The following IFNAR1 variants were observed in gnomAD, a reference collection of about 807,000 sequenced individuals.
The protein encoded by IFNAR1 is interferon alpha and beta receptor subunit 1, also known as interferon alpha/beta receptor 1.
Under a neutral mutation model 62.1 loss-of-function variants are expected in IFNAR1, and 47 were observed. The ratio of observed to expected loss-of-function variants is 0.76; its 90% CI spans 0.60 to 0.97. The LOEUF (loss-of-function observed/expected upper bound fraction) is 0.97. IFNAR1 is among the 50% of genes least tolerant of loss of function. IFNAR1 has a pLI of 0.00. For synonymous variants in IFNAR1, 219 were observed against 226.9 expected, an observed-to-expected ratio of 0.97 and a Z score of 0.31; for missense variants, 638 against 654.5, an observed-to-expected ratio of 0.97 and a Z score of 0.27.
intron 1 of IFNAR1, among the ~76,000 whole-genome samples, chr21:33,329,433 G>A (rs960295634): frequency 6.6e-6 from 1 of 151,920 alleles, no homozygotes; most frequent in Non-Finnish European, 1.5e-5. Context: ...ACAGAAAATT[G>A]AGGATGGGGA....
rs761927008 is a variant in IFNAR1, at chr21:33,343,499, A to G, written c.532-36A>G. 7.7e-6 allele frequency: 12 copies of G among 1,551,306 alleles called. No homozygotes were observed. In the Admixed American group the frequency reaches 2.1e-4, roughly 28 times the overall value. On this transcript the variant is annotated intron_variant, in intron 4 of 10. Transcript: ENST00000270139. ...AATTAATCCTAAAATTTGACTTTAT[A>G]CTTTTTTAAAGAACCAACTTATATT...
At chr21:33,354,920 A>G (rs2123275777) in intron 10 of IFNAR1, among the ~76,000 whole-genome samples, 1 of 152,280 alleles carries the variant, frequency 6.6e-6, no homozygotes, top group African/African-American at 2.4e-5. Context: ...ACTAGTTACA[A>G]TAGCCAATAA....
At chr21:33,335,915 CTTT>C (rs200187308) in intron 2 of IFNAR1, among the ~76,000 whole-genome samples, 2 of 135,110 alleles carry the variant, frequency 1.5e-5, no homozygotes, top group African/African-American at 2.7e-5. Flanking sequence ...GTTCCAGCTT[CTTT>C]TTTTTTTTTT....
intron 1 of IFNAR1, among the ~76,000 whole-genome samples, chr21:33,326,949 A>G (rs1418435744): frequency 1.3e-5 from 2 of 152,284 alleles, no homozygotes; most frequent in East Asian, 3.9e-4. Flanking sequence ...GAGGAGGGGT[A>G]CCCAAAGAGA....
chr21:33,328,545 G>A (rs1488226881), intron 1 of IFNAR1, among the ~76,000 whole-genome samples: 1 of 152,128 alleles, frequency 6.6e-6, no homozygotes, highest in African/African-American at 2.4e-5. Context: ...GAAAACTCAA[G>A]ACCTTAAGTT....
chr21:33,325,952 T>C (rs1362007562), intron 1 of IFNAR1, among the ~76,000 whole-genome samples: 1 of 152,192 alleles, frequency 6.6e-6, no homozygotes, highest in Non-Finnish European at 1.5e-5. Context: ...AACTTTGGAA[T>C]GCCATTTGTT....
chr21:33,343,688 G>A lies in IFNAR1; in HGVS notation c.673+12G>A, dbSNP rs767793197. On this transcript the variant is annotated intron_variant, in intron 5 of 10. Transcript: ENST00000270139. ...TATAAAGACCACAGGTAAGGAAGAT[G>A]TTTTGTTTTAGATTCAATAAATATA... The A allele has an allele frequency of 6.4e-7, 1 of 1,562,154 alleles. No homozygotes were observed. Among genetic ancestry groups the A allele is most frequent in the Non-Finnish European group, 8.7e-7 (1 of 1,154,956 alleles).
chr21:33,335,672 G>A, intron 2 of IFNAR1, 25 bp downstream of exon 2: 6 of 1,496,776 alleles, frequency 4.0e-6, no homozygotes, highest in Non-Finnish European at 5.4e-6. Context: ...TTACTGATTT[G>A]TCAGAATGAC....
chr21:33,330,057 T>G (rs1270869364), intron 1 of IFNAR1, among the ~76,000 whole-genome samples: 1 of 152,220 alleles, frequency 6.6e-6, no homozygotes, highest in Non-Finnish European at 1.5e-5. Flanking sequence ...TTTTGGTCTA[T>G]TTGAGCTCTT....
intron 5 of IFNAR1, among the ~76,000 whole-genome samples, chr21:33,344,134 G>A (rs183989437): frequency 9.1e-4 from 138 of 152,108 alleles, no homozygotes; most frequent in Middle Eastern, 6.8e-3. Context: ...CGGGAGCAAG[G>A]GGGACAAAGA....
rs1451556582 is a variant in IFNAR1 at position 33,356,897 on chromosome 21, C to CT, written c.*1349dup. ...AACCCACTCTTGTTATGGGTGGTCT[C>CT]TGTCACTTTGAATGCCAGGCTGGCT... On this transcript the variant is annotated 3_prime_UTR_variant, in exon 11 of 11. Coordinates refer to ENST00000270139, the MANE Select transcript of IFNAR1 (RefSeq NM_000629.3). 6.6e-6 allele frequency: 1 copy of CT among 152,212 alleles called. No individual in the cohort carries two copies. Among genetic ancestry groups the CT allele is most frequent in the East Asian group, 1.9e-4 (1 of 5,202 alleles). The allele number at this position is 152,212 out of a possible 1,614,324, so 9.4% of individuals were successfully genotyped here. A position where few individuals can be genotyped will look rare whatever the true frequency, so the allele number is the denominator to read the frequency against.
rs770853192 is a variant in IFNAR1, at chr21:33,343,396, AT to A, written c.506del (p.Ile169ThrfsTer8). ...TTTAAGCTTTACATATAGCTTAGTT[AT>A]CTGGAAAAACTCTTCAGGTGTAGAA... ...DGLSFTYSLV[I>X]WKNSSGVEER... On this transcript the variant is annotated frameshift_variant, in exon 4 of 11. Coordinates refer to ENST00000270139, the MANE Select transcript of IFNAR1 (RefSeq NM_000629.3). LOFTEE classifies it high-confidence loss of function. 75 of 1,612,880 alleles carry A rather than the reference AT, an allele frequency of 4.7e-5. No individual in the cohort carries two copies. In the African/African-American group the frequency reaches 8.8e-4, roughly 19 times the overall value.
chr21:33,338,748 GT>G lies in IFNAR1; in HGVS notation c.201-2239del, dbSNP rs1017624258. Among the ~76,000 whole-genome samples the G allele has an allele frequency of 6.8e-3, 987 of 144,496 alleles. 11 individuals carry two copies. Among genetic ancestry groups the G allele is most frequent in the Non-Finnish European group, 6.9e-3 (456 of 65,736 alleles). The allele number at this position is 144,496 out of a possible 152,430, so 94.8% of individuals were successfully genotyped here. Reference sequence around the variant, plus strand: ...TATGATAATAGTTTTTTTGTTGTTGGTTTTTTTTTTTTGAGACGGAGTCTTG... The same window carrying G: ...TATGATAATAGTTTTTTTGTTGTTGGTTTTTTTTTTTGAGACGGAGTCTTG... On this transcript the variant is annotated intron_variant, in intron 2 of 10. Coordinates refer to ENST00000270139, the MANE Select transcript of IFNAR1 (RefSeq NM_000629.3).
chr21:33,330,034 A>C (rs1232217820), intron 1 of IFNAR1, among the ~76,000 whole-genome samples: 1 of 152,188 alleles, frequency 6.6e-6, no homozygotes, highest in Non-Finnish European at 1.5e-5. Flanking sequence ...CTTAGATGGT[A>C]AATTGCAGTT....
At chr21:33,336,634 A>G (rs2083239167) in intron 2 of IFNAR1, among the ~76,000 whole-genome samples, 2 of 152,064 alleles carry the variant, frequency 1.3e-5, no homozygotes, top group African/African-American at 2.4e-5. Flanking sequence ...TCTTGAAGAT[A>G]TGGCATTGTA....
intron 10 of IFNAR1, among the ~76,000 whole-genome samples, chr21:33,354,991 A>G (rs2083433600): frequency 6.8e-6 from 1 of 146,508 alleles, no homozygotes; most frequent in East Asian, 2.0e-4. Flanking sequence ...TTATTATTTC[A>G]AAAAAAAAAA....
Position 33,359,646 on chromosome 21 carries a change from T to C in IFNAR1, c.*4097T>C, listed in dbSNP as rs1310592626. On this transcript the variant is annotated 3_prime_UTR_variant, in exon 11 of 11. Transcript: ENST00000270139. ...CAGGATTAGTTCGTTCCAAGGAGGC[T>C]CTTCAGTCTCACAGATAAGTAGATC... is the stretch of plus-strand genomic sequence containing the variant. The C allele has an allele frequency of 6.6e-6, 1 of 152,212 alleles. No homozygotes were observed. Among genetic ancestry groups the C allele is most frequent in the Non-Finnish European group, 1.5e-5 (1 of 68,030 alleles). The allele number at this position is 152,212 out of a possible 1,614,324, so 9.4% of individuals were successfully genotyped here. A position where few individuals can be genotyped will look rare whatever the true frequency, so the allele number is the denominator to read the frequency against.
At chr21:33,354,884 A>G (rs1464780716) in intron 10 of IFNAR1, among the ~76,000 whole-genome samples, 1 of 152,186 alleles carries the variant, frequency 6.6e-6, no homozygotes, top group Non-Finnish European at 1.5e-5. Context: ...TAATATTCAT[A>G]GCTATTATTT....
chr21:33,356,854 A>C lies in IFNAR1; in HGVS notation c.*1305A>C, dbSNP rs1175111861. On this transcript the variant is annotated 3_prime_UTR_variant, in exon 11 of 11. Transcript: ENST00000270139. ...TGTTCCACTGGAAGCCTGAGCACCT[A>C]ATCAGCTCTCAGTGATCAACCCACT... The C allele has an allele frequency of 2.0e-5, 3 of 152,186 alleles. No individual in the cohort carries two copies. The highest frequency in any genetic ancestry group is 7.2e-5 in the African/African-American group (3 of 41,438). 9.4% of individuals were successfully genotyped at this position (152,186 alleles called of 1,614,324 possible). A position where few individuals can be genotyped will look rare whatever the true frequency, so the allele number is the denominator to read the frequency against.
Sources: allele counts gnomAD v4.1 joint callset (sites outside exome capture counted in the v4.1 genomes callset), GRCh38; gene constraint gnomAD v4.1.1; transcripts MANE v1.5; gene names NCBI Gene and HGNC (gene_info 2026-07-23, HGNC 2026-07-21).